Variants in WDR37 observed in about 807,000 individuals in gnomAD.
The protein encoded by WDR37 is WD repeat domain 37, also known as WD repeat-containing protein 37.
Under a neutral mutation model 62.9 loss-of-function variants are expected in WDR37, and 19 were observed. The observed-to-expected ratio is 0.30, with a 90% CI of 0.21 to 0.44. The LOEUF is 0.44. WDR37 is among the 20% of genes least tolerant of loss of function. WDR37 has a pLI of 1.00. For synonymous variants in WDR37, 250 were observed against 260.9 expected, an observed-to-expected ratio of 0.96 and a Z score of 0.40; for missense variants, 474 against 657.6, an observed-to-expected ratio of 0.72 and a Z score of 3.05.
At chr10:1,079,891 A>T (rs570200903) in intron 3 of WDR37, 120 bp from the exon 4 acceptor site, 18 of 718,186 alleles carry the variant, frequency 2.5e-5, no homozygotes, top group Non-Finnish European at 3.7e-5. Flanking sequence ...AATATTATTC[A>T]TGTCTTTGTT....
intron 6 of WDR37, among the ~76,000 whole-genome samples, chr10:1,085,066 G>C (rs1234860378): frequency 6.6e-6 from 1 of 152,138 alleles, no homozygotes; most frequent in Non-Finnish European, 1.5e-5. Context: ...CTGCGTTCAA[G>C]CGATTCTCCT....
rs1834896131 is a variant in WDR37, at chr10:1,103,645, C to A, written c.770C>A (p.Pro257His). The A allele has an allele frequency of 1.2e-6, 2 of 1,614,204 alleles. No homozygotes were observed. The highest frequency in any genetic ancestry group is 1.7e-6 in the Non-Finnish European group (2 of 1,180,048). ...GTAGAGTGCTCTGACAAGGACGAGC[C>A]CGACCTCGATGGGGATGTGTCCAGC... is the stretch of plus-strand genomic sequence containing the variant. ...DEVECSDKDE[P>H]DLDGDVSSDC... The change falls in exon 10 of 14, where the codon CCC becomes CAC. Residue 257 changes from proline to histidine, a missense_variant. Transcript: ENST00000263150. The surrounding 1 kb of genome is among the most constrained non-coding windows in gnomAD (Gnocchi z 6.3).
intron 6 of WDR37, 134 bp downstream of exon 6, chr10:1,084,672 A>C (rs931448586): frequency 3.3e-5 from 43 of 1,295,588 alleles, no homozygotes; most frequent in Non-Finnish European, 4.4e-5. Flanking sequence ...GGAACCCCCC[A>C]CACATTAACC....
intron 9 of WDR37, among the ~76,000 whole-genome samples, chr10:1,102,512 G>A (rs771709947): frequency 6.6e-5 from 10 of 152,248 alleles, no homozygotes; most frequent in Non-Finnish European, 1.3e-4. Flanking sequence ...AGGCTTCAGG[G>A]AGCTTGGAGC....
chr10:1,125,587 C>T (rs553949874), intron 13 of WDR37, among the ~76,000 whole-genome samples: 21 of 152,246 alleles, frequency 1.4e-4, no homozygotes, highest in East Asian at 3.9e-4. Flanking sequence ...CACAGGCATG[C>T]GGAACGAGCT....
In WDR37 at chr10:1,096,195, C is replaced by T. The variant is rs770901554; in HGVS notation, c.675C>T (p.Ile225=). The T allele has an allele frequency of 6.2e-7, 1 of 1,614,178 alleles. No individual in the cohort carries two copies. The highest frequency in any genetic ancestry group is 1.6e-4 in the Middle Eastern group (1 of 6,062). Reference sequence around the variant, plus strand: ...CTTCTGGAGATCAGACTGCTCATATCTGGAGATACGCGGTGCAGCTGCCGA... The same window carrying T: ...CTTCTGGAGATCAGACTGCTCATATTTGGAGATACGCGGTGCAGCTGCCGA... ...LTASGDQTAH[I]WRYAVQLPTP... Residue 225 remains isoleucine, a synonymous_variant, in exon 9 of 14, where the codon ATC becomes ATT. Coordinates refer to ENST00000263150, the MANE Select transcript of WDR37 (RefSeq NM_014023.4).
chr10:1,077,537 G>T (rs1030958917), intron 2 of WDR37, among the ~76,000 whole-genome samples: 2 of 152,162 alleles, frequency 1.3e-5, no homozygotes, highest in African/African-American at 4.8e-5. Context: ...TTGTAGGATA[G>T]CGTATGATGG....
At chr10:1,060,140 A>T (rs1833330761) in intron 1 of WDR37, among the ~76,000 whole-genome samples, 1 of 152,204 alleles carries the variant, frequency 6.6e-6, no homozygotes, top group South Asian at 2.1e-4. Context: ...TGCCTGGCCC[A>T]ATATTACAGC....
intron 11 of WDR37, among the ~76,000 whole-genome samples, chr10:1,122,541 T>G (rs1192770286): frequency 1.3e-5 from 2 of 152,228 alleles, no homozygotes; most frequent in Admixed American, 1.3e-4. Context: ...ACCCCAGCCC[T>G]GAGCCAGGCA....
At chr10:1,113,950 CTTTTTTTTTTT>C (rs56654628) in intron 11 of WDR37, among the ~76,000 whole-genome samples, 1 of 76,200 alleles carries the variant, frequency 1.3e-5, no homozygotes, top group Non-Finnish European at 2.4e-5. Flanking sequence ...GGTAAAATGC[CTTTTTTTTTTT>C]TTTTTTTTTT....
At chr10:1,087,680 G>A (rs1413517544) in intron 7 of WDR37, among the ~76,000 whole-genome samples, 1 of 152,152 alleles carries the variant, frequency 6.6e-6, no homozygotes, top group Non-Finnish European at 1.5e-5. Flanking sequence ...TCCATGCTTT[G>A]TTGTTCCATT....
At position 1,103,513 on chromosome 10, in the gene WDR37, A is replaced by T. The variant is rs1002935732; in HGVS notation, c.727-89A>T. On this transcript the variant is annotated intron_variant, in intron 9 of 13. Coordinates refer to ENST00000263150, the MANE Select transcript of WDR37 (RefSeq NM_014023.4). This position sits in a 1 kb window ranked among gnomAD's most constrained non-coding sequence, Gnocchi z 6.3. ...TGATGGATATGTCCTCAAGAGATTAATGAGAACCATCTATTTTGTAGCTAT... is the reference window on the plus strand; with the variant it reads ...TGATGGATATGTCCTCAAGAGATTATTGAGAACCATCTATTTTGTAGCTAT... 38 of 1,372,206 alleles carry T rather than the reference A, an allele frequency of 2.8e-5. 1 individual carries two copies. The highest frequency in any genetic ancestry group is 2.7e-4 in the Admixed American group (14 of 51,472). The allele number at this position is 1,372,206 out of a possible 1,614,324, so 85.0% of individuals were successfully genotyped here.
At chr10:1,096,100 T>C in intron 8 of WDR37, 70 bp from the exon 9 acceptor site, 1 of 1,458,876 alleles carries the variant, frequency 6.9e-7, no homozygotes. Context: ...TGCTTAGCCA[T>C]AGTGGCGGTG....
chr10:1,121,002 A>G lies in WDR37; in HGVS notation c.1104-3216A>G, dbSNP rs1835560565. 6.6e-6 allele frequency among the ~76,000 whole-genome samples: 1 copy of G among 152,136 alleles called. No individual in the cohort carries two copies. ...GTGCTGCACTGTCAGCTGGAGGAGC[A>G]CGCTCGGCTGCCCCACACGACAAGA... On this transcript the variant is annotated intron_variant, in intron 11 of 13. Transcript: ENST00000263150. The surrounding 1 kb of genome is among the most constrained non-coding windows in gnomAD (Gnocchi z 4.5).
rs949774547 is a variant in WDR37, at chr10:1,121,212, CTT to C, written c.1104-3003_1104-3002del. Among the ~76,000 whole-genome samples, 1 of 152,176 alleles carries C rather than the reference CTT, an allele frequency of 6.6e-6. No homozygotes were observed. On this transcript the variant is annotated intron_variant, in intron 11 of 13. Transcript: ENST00000263150. The surrounding 1 kb of genome is among the most constrained non-coding windows in gnomAD (Gnocchi z 4.5). ...TTGTGATTTATTAAAAACCTAATGT[CTT>C]TTAGCATTTCATTAACATGGAGTTA...
intron 11 of WDR37, among the ~76,000 whole-genome samples, chr10:1,108,643 C>G (rs140235116): frequency 2.0e-5 from 3 of 151,700 alleles, no homozygotes; most frequent in Non-Finnish European, 2.9e-5. Flanking sequence ...TTAGTTGGCA[C>G]TGTGTTTTTT....
chr10:1,129,362 A>G lies in WDR37; in HGVS notation c.*18A>G. ...AAAAATAAGGACACCGGCAGCCCTT[A>G]GTTTCACTGTTTGCCAGCACAGACC... On this transcript the variant is annotated 3_prime_UTR_variant, in exon 14 of 14. Coordinates refer to ENST00000263150, the MANE Select transcript of WDR37 (RefSeq NM_014023.4). 2 of 1,613,794 alleles carry G rather than the reference A, an allele frequency of 1.2e-6. No homozygotes were observed. Among genetic ancestry groups the G allele is most frequent in the East Asian group, 2.2e-5 (1 of 44,858 alleles).
intron 7 of WDR37, among the ~76,000 whole-genome samples, chr10:1,090,049 C>T (rs931472002): frequency 4.6e-5 from 7 of 152,228 alleles, no homozygotes; most frequent in African/African-American, 1.7e-4. Context: ...TTGCTGCAAC[C>T]TCCGCCTCCC....
intron 13 of WDR37, 95 bp downstream of exon 13, chr10:1,125,119 C>A: frequency 6.7e-7 from 1 of 1,492,944 alleles, no homozygotes; most frequent in Non-Finnish European, 8.9e-7. Context: ...TCTTTGCATG[C>A]TAAGTTTTCC....
Sources: gnomAD v4.1 joint callset for allele counts (sites outside exome capture counted in the v4.1 genomes callset) on GRCh38, gnomAD v4.1.1 for gene constraint, Gnocchi (gnomAD v3.1) non-coding constraint, MANE v1.5 for transcripts, NCBI Gene and HGNC (gene_info 2026-07-23, HGNC 2026-07-21) for gene names.